Variants in MME observed in about 807,000 individuals in gnomAD.
MME encodes membrane metalloendopeptidase.
In MME, 98 loss-of-function variants were observed where a neutral mutation model predicts 113.2. The observed-to-expected ratio is 0.87, with a 90% CI of 0.74 to 1.02. MME has a LOEUF of 1.02. Ranked by LOEUF, MME falls within the 50% of genes least tolerant of loss-of-function variation. MME has a pLI of 0.00. For missense variants in MME, 836 were observed against 896.0 expected, an observed-to-expected ratio of 0.93 and a Z score of 0.86; for synonymous variants, 292 against 300.6, an observed-to-expected ratio of 0.97 and a Z score of 0.30.
intron 8 of MME, among the ~76,000 whole-genome samples, chr3:155,136,400 C>A (rs1720635639): frequency 6.6e-6 from 1 of 152,020 alleles, no homozygotes; most frequent in Non-Finnish European, 1.5e-5. Flanking sequence ...TTGAGATAGC[C>A]CAATGGTATT....
intron 3 of MME, among the ~76,000 whole-genome samples, chr3:155,098,699 C>T (rs747171694): frequency 2.0e-5 from 3 of 151,828 alleles, no homozygotes; most frequent in East Asian, 1.9e-4. Flanking sequence ...GGGGGTTACT[C>T]GAGATGAAGA....
At chr3:155,168,125 A>G (rs1711529368) in intron 18 of MME, among the ~76,000 whole-genome samples, 1 of 152,242 alleles carries the variant, frequency 6.6e-6, no homozygotes, top group African/African-American at 2.4e-5. Context: ...TAAAAATGCC[A>G]GAATAAAAAT....
chr3:155,026,782 C>A (rs970438343), intron 1 of MME, among the ~76,000 whole-genome samples: 6 of 151,982 alleles, frequency 3.9e-5, no homozygotes, highest in Non-Finnish European at 8.8e-5. Flanking sequence ...TTAAGTAATA[C>A]CCTCATCCAG....
chr3:155,117,298 A>ACTTGAAAGGAGCATG (rs1479233495), intron 7 of MME, among the ~76,000 whole-genome samples: 1 of 152,206 alleles, frequency 6.6e-6, no homozygotes, highest in Admixed American at 6.5e-5. Context: ...TTTGTATAGT[A>ACTTGAAAGGAGCATG]CTTGAAAGGA....
chr3:155,144,777 G>A (rs1319650338), intron 14 of MME, among the ~76,000 whole-genome samples: 1 of 152,050 alleles, frequency 6.6e-6, no homozygotes, highest in East Asian at 1.9e-4. Flanking sequence ...AACTATTCAT[G>A]CCCACCCATA....
At chr3:155,029,311 C>T (rs946769610) in intron 1 of MME, among the ~76,000 whole-genome samples, 3 of 151,992 alleles carry the variant, frequency 2.0e-5, no homozygotes, top group African/African-American at 7.2e-5. Context: ...TTTCATAAAC[C>T]TTTTATAACT....
chr3:155,152,217 C>T (rs992199195), intron 16 of MME, among the ~76,000 whole-genome samples: 5 of 152,252 alleles, frequency 3.3e-5, no homozygotes, highest in African/African-American at 9.6e-5. Flanking sequence ...CCCTGGACCA[C>T]CCTTTATGCC....
chr3:155,146,043 GA>G (rs1422404561), intron 14 of MME, among the ~76,000 whole-genome samples: 2 of 151,814 alleles, frequency 1.3e-5, no homozygotes, highest in East Asian at 3.9e-4. Context: ...AACCCCCCAT[GA>G]AAAATTTAAA....
chr3:155,124,855 G>A (rs1242340285), intron 8 of MME, among the ~76,000 whole-genome samples: 4 of 152,160 alleles, frequency 2.6e-5, no homozygotes, highest in Non-Finnish European at 5.9e-5. Context: ...GTCTGCAGAG[G>A]TTACTGCTGT....
chr3:155,095,841 G>T (rs1716689517), intron 3 of MME, among the ~76,000 whole-genome samples: 1 of 152,186 alleles, frequency 6.6e-6, no homozygotes, highest in Non-Finnish European at 1.5e-5. Context: ...TAAGTGCTAT[G>T]ATGGTGATAA....
Position 155,093,060 on chromosome 3 carries a change from A to C in MME, c.196+7966A>C, listed in dbSNP as rs988804926. 1.6e-4 allele frequency among the ~76,000 whole-genome samples: 25 copies of C among 152,106 alleles called. 1 individual carries two copies. The highest frequency in any genetic ancestry group is 1.1e-3 in the Admixed American group (17 of 15,278). ...TAATAACCCAAAGCCGTTAAAAAAAAAAAAGCAAACAAAAATTCACCTTCA... is the reference window on the plus strand; with the variant it reads ...TAATAACCCAAAGCCGTTAAAAAAACAAAAGCAAACAAAAATTCACCTTCA... On this transcript the variant is annotated intron_variant, in intron 3 of 22. Coordinates refer to ENST00000360490, the MANE Select transcript of MME (RefSeq NM_007289.4).
At chr3:155,125,424 G>C (rs187449206) in intron 8 of MME, among the ~76,000 whole-genome samples, 2 of 143,780 alleles carry the variant, frequency 1.4e-5, no homozygotes, top group African/African-American at 5.1e-5. Flanking sequence ...GTTCCTATTC[G>C]GCCAACTTGG....
chr3:155,074,175 C>T (rs1714670104), intron 1 of MME, among the ~76,000 whole-genome samples: 3 of 151,890 alleles, frequency 2.0e-5, no homozygotes, highest in East Asian at 1.9e-4. Flanking sequence ...TTATGTACTA[C>T]TGCATTCAGT....
Position 155,182,668 on chromosome 3 carries a change from A to G in MME, c.*2209A>G, listed in dbSNP as rs1576686144. ...AGAGCAGGTGAAGAGCCAGAAGTGA[A>G]GAGTGACTAGTACAAATTATAAAAA... On this transcript the variant is annotated 3_prime_UTR_variant, in exon 23 of 23. Coordinates refer to ENST00000360490, the MANE Select transcript of MME (RefSeq NM_007289.4). The G allele has an allele frequency of 6.6e-6, 1 of 152,360 alleles. No individual in the cohort carries two copies. The highest frequency in any genetic ancestry group is 6.5e-5 in the Admixed American group (1 of 15,300). The allele number at this position is 152,360 out of a possible 1,614,324, so 9.4% of individuals were successfully genotyped here.
In MME at chr3:155,116,567, C is replaced by T; in HGVS notation, c.439+8C>T. 3 of 1,561,350 alleles carry T rather than the reference C, an allele frequency of 1.9e-6. No homozygotes were observed. The highest frequency in any genetic ancestry group is 2.6e-6 in the Non-Finnish European group (3 of 1,135,184). On this transcript the variant is annotated splice_region_variant and intron_variant, in intron 5 of 22. Transcript: ENST00000360490. Reference sequence around the variant, plus strand: ...GGTCTTGTATAAATGAATGTAAGTGCTCTTCATTTGATTTCATTAGGAGTA... The same window carrying T: ...GGTCTTGTATAAATGAATGTAAGTGTTCTTCATTTGATTTCATTAGGAGTA...
At chr3:155,048,449 A>G (rs1713641508) in intron 1 of MME, among the ~76,000 whole-genome samples, 3 of 152,140 alleles carry the variant, frequency 2.0e-5, no homozygotes, top group African/African-American at 7.2e-5. Flanking sequence ...TATTGGGAGA[A>G]ATGGGTTGTA....
In MME at chr3:155,172,304, T is replaced by G. The variant is rs538397400; in HGVS notation, c.2076+92T>G. The G allele has an allele frequency of 2.6e-4, 238 of 914,008 alleles. No homozygotes were observed. The African/African-American group carries it at 3.8e-3, about 15-fold the overall frequency. 56.6% of individuals were successfully genotyped at this position (914,008 alleles called of 1,614,324 possible). A position where few individuals can be genotyped will look rare whatever the true frequency, so the allele number is the denominator to read the frequency against. ...ATGTCACATGCTGAGTTCCCTTGTTTTACAGAGCATTTGACTTGATTCACT... is the reference window on the plus strand; with the variant it reads ...ATGTCACATGCTGAGTTCCCTTGTTGTACAGAGCATTTGACTTGATTCACT... On this transcript the variant is annotated intron_variant, in intron 21 of 22. Coordinates refer to ENST00000360490, the MANE Select transcript of MME (RefSeq NM_007289.4).
intron 3 of MME, among the ~76,000 whole-genome samples, chr3:155,111,852 T>A (rs1054791755): frequency 1.3e-5 from 2 of 152,206 alleles, no homozygotes; most frequent in Non-Finnish European, 2.9e-5. Flanking sequence ...TTTTTAAGTA[T>A]CTTAAAAGAG....
At position 155,156,601 on chromosome 3, in the gene MME, T is replaced by C. The variant is rs557429823; in HGVS notation, c.1602-3789T>C. Among the ~76,000 whole-genome samples, 10 of 152,244 alleles carry C rather than the reference T, an allele frequency of 6.6e-5. No homozygotes were observed. The East Asian group carries it at 1.3e-3, about 21-fold the overall frequency. On this transcript the variant is annotated intron_variant, in intron 16 of 22. Transcript: ENST00000360490. The stretch of plus-strand genomic sequence containing the variant: ...GTGCCTCAGTTTCTATACCTGCAAA[T>C]ATATGGATGGTTTGAAAGATGAATA...
Sources: gnomAD v4.1 joint callset for allele counts (sites outside exome capture counted in the v4.1 genomes callset) on GRCh38, gnomAD v4.1.1 for gene constraint, MANE v1.5 for transcripts, NCBI Gene and HGNC (gene_info 2026-07-23, HGNC 2026-07-21) for gene names.